The following RTN4 variants were observed in gnomAD, a reference collection of about 807,000 sequenced individuals.
RTN4 encodes reticulon 4.
RTN4 carries 32 observed loss-of-function variants against 90.4 expected under a neutral mutation model. That is an observed-to-expected ratio of 0.35 (90% CI 0.27 to 0.48). The LOEUF (loss-of-function observed/expected upper bound fraction) is 0.48. RTN4 is among the 20% of genes least tolerant of loss of function. The probability of loss-of-function intolerance (pLI) is 0.99; values close to 1 mark genes in which losing one functional copy is unlikely to be tolerated. For missense variants in RTN4, 1,706 were observed against 1,430.2 expected, an observed-to-expected ratio of 1.19 and a Z score of -3.11; for synonymous variants, 629 against 552.5, an observed-to-expected ratio of 1.14 and a Z score of -1.94.
chr2:55,010,059 TGA>T, intron 3 of RTN4: 1 of 1,610,762 alleles, frequency 6.2e-7, no homozygotes. Flanking sequence ...ATATAAAAAC[TGA>T]ATAAGAAATT....
At chr2:54,990,613 T>A (rs1678926411) in intron 3 of RTN4, among the ~76,000 whole-genome samples, 1 of 152,178 alleles carries the variant, frequency 6.6e-6, no homozygotes, top group Non-Finnish European at 1.5e-5. Flanking sequence ...TTCAAACTTA[T>A]TATTAACTTT....
intron 2 of RTN4, among the ~76,000 whole-genome samples, chr2:55,074,717 A>G (rs1039377094): frequency 2.0e-5 from 3 of 152,172 alleles, no homozygotes; most frequent in Non-Finnish European, 4.4e-5. Flanking sequence ...ACATATCAAG[A>G]AGATAATCCA....
chr2:55,132,206 T>A, the RTN4 span, among the ~76,000 whole-genome samples: 10 of 152,176 alleles, frequency 6.6e-5, no homozygotes, highest in Admixed American at 3.3e-4. Context: ...CTTTTATGTG[T>A]GTTTGAAACT....
intron 3 of RTN4, among the ~76,000 whole-genome samples, chr2:54,990,420 T>G (rs1678910478): frequency 6.6e-6 from 1 of 152,176 alleles, no homozygotes; most frequent in Non-Finnish European, 1.5e-5. Context: ...ATAGGAATGA[T>G]CTCATTGAGA....
intron 5 of RTN4, among the ~76,000 whole-genome samples, chr2:54,979,318 A>G (rs1381583734): frequency 2.0e-5 from 3 of 152,064 alleles, no homozygotes; most frequent in Non-Finnish European, 4.4e-5. Context: ...TTGGCCTCCC[A>G]AAGTGCTGGG....
At chr2:55,004,379 G>A (rs34378852) in intron 3 of RTN4, among the ~76,000 whole-genome samples, 21,930 of 152,104 alleles carry the variant, frequency 0.14, 2,007 homozygotes, top group South Asian at 0.33. Context: ...TGCCACCATG[G>A]ACCTGTGGCA....
intron 2 of RTN4, among the ~76,000 whole-genome samples, chr2:55,067,244 G>C (rs188840996): frequency 1.0e-3 from 158 of 152,228 alleles, no homozygotes; most frequent in African/African-American, 3.3e-3. Context: ...TAAAGAATAT[G>C]ATACCTGACC....
At chr2:55,071,604 G>A (rs1225152429) in intron 2 of RTN4, among the ~76,000 whole-genome samples, 1 of 145,922 alleles carries the variant, frequency 6.9e-6, no homozygotes, top group Non-Finnish European at 1.5e-5. Flanking sequence ...GAATATTTGT[G>A]ATCTGGTTCT....
rs549221974 is a variant in RTN4, at chr2:54,975,120, T to G, written c.3361-356A>C. On this transcript the variant is annotated intron_variant, in intron 5 of 8. Transcript: ENST00000337526. Reference sequence around the variant, plus strand: ...TGAGAATTGTCTATTAGAATTGATTTCAAAGTATGAACTAGTTGAGTGCTT... The same window carrying G: ...TGAGAATTGTCTATTAGAATTGATTGCAAAGTATGAACTAGTTGAGTGCTT... 4.4e-4 allele frequency among the ~76,000 whole-genome samples: 67 copies of G among 152,342 alleles called. 1 individual carries two copies. In the South Asian group the frequency reaches 0.013, roughly 29 times the overall value.
chr2:54,977,637 T>C (rs538176701), intron 5 of RTN4, among the ~76,000 whole-genome samples: 18 of 152,250 alleles, frequency 1.2e-4, no homozygotes, highest in South Asian at 1.0e-3. Flanking sequence ...CCAGTAGGCA[T>C]TGTCATATGC....
chr2:55,028,944 T>C (rs952395920), intron 1 of RTN4, among the ~76,000 whole-genome samples: 1 of 152,194 alleles, frequency 6.6e-6, no homozygotes, highest in African/African-American at 2.4e-5. Context: ...TCACTGTATG[T>C]TACAGAACTG....
At chr2:55,041,097 G>A (rs1474193174) in intron 1 of RTN4, among the ~76,000 whole-genome samples, 1 of 145,400 alleles carries the variant, frequency 6.9e-6, no homozygotes. Flanking sequence ...TTTTTTTTTG[G>A]AAATGAAAAA....
chr2:54,982,214 C>T (rs1055722237), intron 5 of RTN4, among the ~76,000 whole-genome samples: 1 of 151,998 alleles, frequency 6.6e-6, no homozygotes, highest in Non-Finnish European at 1.5e-5. Context: ...CCTCGGCCTC[C>T]CAAAGTGCTA....
chr2:55,035,793 T>C (rs1321448655), intron 1 of RTN4, among the ~76,000 whole-genome samples: 5 of 152,170 alleles, frequency 3.3e-5, no homozygotes, highest in Non-Finnish European at 7.4e-5. Flanking sequence ...GAGAATATTA[T>C]GCACACATTT....
rs531110711 is a variant in RTN4 at position 55,109,726 on chromosome 2, G to A, written c.-214+2794C>T. On this transcript the variant is annotated intron_variant, in intron 1 of 3. Transcript: ENST00000427710. ...GTTTGTCCAAGAAAAAGGAGCAGAT[G>A]GCTAGTGACTCAGAGCATATGTTGA... 9.2e-5 allele frequency among the ~76,000 whole-genome samples: 14 copies of A among 152,310 alleles called. No homozygotes were observed. In the South Asian group the frequency reaches 2.3e-3, roughly 25 times the overall value.
At chr2:54,982,039 C>G (rs1678176899) in intron 5 of RTN4, among the ~76,000 whole-genome samples, 1 of 152,076 alleles carries the variant, frequency 6.6e-6, no homozygotes, top group Non-Finnish European at 1.5e-5. Context: ...ACCGAAACCT[C>G]TGCCTCCCGG....
the RTN4 span, among the ~76,000 whole-genome samples, chr2:55,128,471 C>T: frequency 4.6e-5 from 7 of 152,186 alleles, no homozygotes; most frequent in Admixed American, 1.3e-4. Context: ...AGAGCAAACT[C>T]ACTCCACTTG....
intron 7 of RTN4, 49 bp downstream of exon 7, chr2:54,973,772 A>AATAG: frequency 6.4e-7 from 1 of 1,571,882 alleles, no homozygotes; most frequent in Admixed American, 1.7e-5. Context: ...AATCCCATGT[A>AATAG]ATAGAGTGAG....
At chr2:55,063,283 G>A (rs1025291546) in intron 2 of RTN4, among the ~76,000 whole-genome samples, 6 of 152,216 alleles carry the variant, frequency 3.9e-5, no homozygotes, top group Non-Finnish European at 7.3e-5. Flanking sequence ...GAAAGCCTTC[G>A]CAAGGAGGTT....
Sources: allele counts gnomAD v4.1 joint callset (sites outside exome capture counted in the v4.1 genomes callset), GRCh38; gene constraint gnomAD v4.1.1; transcripts MANE v1.5; gene names NCBI Gene and HGNC (gene_info 2026-07-23, HGNC 2026-07-21).